The following LGI2 variants were observed in gnomAD, a reference collection of about 807,000 sequenced individuals.
LGI2 encodes the protein leucine rich repeat LGI family member 2.
A neutral mutation model predicts 52.0 loss-of-function variants in LGI2; 30 were observed. The ratio of observed to expected loss-of-function variants is 0.58; its 90% CI spans 0.43 to 0.78. LGI2 has a LOEUF of 0.78. Ranked by LOEUF, LGI2 falls within the 30% of genes least tolerant of loss-of-function variation. The pLI is 0.00. For synonymous variants in LGI2, 270 were observed against 271.8 expected, an observed-to-expected ratio of 0.99 and a Z score of 0.06; for missense variants, 573 against 692.5, an observed-to-expected ratio of 0.83 and a Z score of 1.94.
Position 25,003,952 on chromosome 4 carries a change from A to G in LGI2, c.1137T>C (p.Val379=), listed in dbSNP as rs534480188. 2.8e-4 allele frequency: 456 copies of G among 1,614,186 alleles called. 5 individuals are homozygous for G. The South Asian group carries it at 4.7e-3, about 17-fold the overall frequency. ...TGAGATGCGATTTTCCATCGATATC[A>G]ACAAACTCCGCATCCGTGTCCCTGA... is the stretch of plus-strand genomic sequence containing the variant. The part of the protein sequence containing the change: ...EWFRDTDAEF[V]DIDGKSHLIL... Residue 379 remains valine (V), a synonymous_variant, in exon 8 of 8, where the codon GTT becomes GTC. Transcript: ENST00000382114.
At chr4:24,995,599 C>G (rs1420807436), downstream of LGI2, among the ~76,000 whole-genome samples, 4 of 152,150 alleles carry the variant, frequency 2.6e-5, no homozygotes, top group Non-Finnish European at 5.9e-5. Context: ...GGTGGCTGGC[C>G]TCCCTCCAAG....
chr4:25,014,902 T>C (rs1725713341), intron 6 of LGI2, among the ~76,000 whole-genome samples: 2 of 151,464 alleles, frequency 1.3e-5, no homozygotes, highest in African/African-American at 4.9e-5. Flanking sequence ...TGCATATATA[T>C]TTGTGGGTAT....
downstream of LGI2, among the ~76,000 whole-genome samples, chr4:24,993,907 G>T (rs1450623699): frequency 6.6e-6 from 1 of 152,164 alleles, no homozygotes; most frequent in Non-Finnish European, 1.5e-5. Context: ...GATGGAAATG[G>T]GGGGTTGGAG....
downstream of LGI2, among the ~76,000 whole-genome samples, chr4:24,996,158 A>C (rs1725071553): frequency 6.6e-6 from 1 of 152,238 alleles, no homozygotes. Flanking sequence ...AGGCTGTTTC[A>C]TTAAGTATTA....
rs1725171708 is a variant in LGI2, at chr4:24,999,468, A to G, written c.*3983T>C. 1.3e-5 allele frequency: 2 copies of G among 154,480 alleles called. No homozygotes were observed. The allele number at this position is 154,480 out of a possible 1,614,324, so 9.6% of individuals were successfully genotyped here. A position where few individuals can be genotyped will look rare whatever the true frequency, so the allele number is the denominator to read the frequency against. Reference sequence around the variant, plus strand: ...ATCCGGACCACTTTCTAATTGCATCATTGCATACAACTAGATTATTGTATT... The same window carrying G: ...ATCCGGACCACTTTCTAATTGCATCGTTGCATACAACTAGATTATTGTATT... On this transcript the variant is annotated 3_prime_UTR_variant, in exon 8 of 8. Transcript: ENST00000382114.
rs1357239501 is a variant in LGI2, at chr4:25,024,807, T to C, written c.413+13A>G. ...CATATTAGAGGACTTACAATACTTT[T>C]CATAGGACTTACAGGTGAGTCAGGT... is the stretch of plus-strand genomic sequence containing the variant. On this transcript the variant is annotated intron_variant, in intron 4 of 7. Transcript: ENST00000382114. The C allele has an allele frequency of 1.9e-6, 3 of 1,579,496 alleles. No individual in the cohort carries two copies. Among genetic ancestry groups the C allele is most frequent in the East Asian group, 4.5e-5 (2 of 44,584 alleles).
rs1448005623 is a variant in LGI2 at position 25,028,071 on chromosome 4, T to TTCATC, written c.269+435_269+436insGATGA. 4.6e-5 allele frequency among the ~76,000 whole-genome samples: 7 copies of TTCATC among 152,332 alleles called. No homozygotes were observed. In the East Asian group the frequency reaches 1.3e-3, roughly 29 times the overall value. ...CGATGAAGTGATGATGAAATAAAAT[T>TTCATC]ACGCACGTAAGTTCATAGGATGCTG... On this transcript the variant is annotated intron_variant, in intron 2 of 7. Coordinates refer to ENST00000382114, the MANE Select transcript of LGI2 (RefSeq NM_018176.4).
At chr4:25,024,017 T>C (rs1726062196) in intron 4 of LGI2, among the ~76,000 whole-genome samples, 1 of 152,180 alleles carries the variant, frequency 6.6e-6, no homozygotes, top group African/African-American at 2.4e-5. Context: ...AAAAAGTGAT[T>C]TGCATTCAAA....
In LGI2 at chr4:25,030,611, G is replaced by T. The variant is rs770845084; in HGVS notation, c.83C>A (p.Ala28Glu). 3.2e-6 allele frequency: 5 copies of T among 1,559,832 alleles called. No individual in the cohort carries two copies. Among genetic ancestry groups the T allele is most frequent in the Non-Finnish European group, 2.6e-6 (3 of 1,153,638 alleles). Residue 28 changes from alanine to glutamate, a missense_variant, in exon 1 of 8, where the codon GCG (alanine) becomes GAG (glutamate). Ala to Glu is a moderately radical substitution (Grantham distance 107). Coordinates refer to ENST00000382114, the MANE Select transcript of LGI2 (RefSeq NM_018176.4). ...LGAACLIPRS[A>E]QVRRLARCPA... The stretch of plus-strand genomic sequence containing the variant: ...GCAGCGCGCCAGCCGCCTCACCTGC[G>T]CGCTCCGCGGTATCAGGCACGCGGC...
rs1446084955 is a variant in LGI2, at chr4:25,030,579, T to C, written c.115A>G (p.Thr39Ala). ...ATAGACTCCTTGGTACAGCTGCAAG[T>C]GGCGGGGCAGCGCGCCAGCCGCCTC... ...QVRRLARCPA[T>A]CSCTKESIIC... Residue 39 changes from threonine (T) to alanine (A), a missense_variant, in exon 1 of 8, where the codon ACT (threonine) becomes GCT (alanine). Transcript: ENST00000382114. 2 of 1,576,346 alleles carry C rather than the reference T, an allele frequency of 1.3e-6. No homozygotes were observed. The highest frequency in any genetic ancestry group is 1.7e-6 in the Non-Finnish European group (2 of 1,162,834).
chr4:25,023,926 A>T (rs2109424126), intron 4 of LGI2, among the ~76,000 whole-genome samples: 2 of 152,300 alleles, frequency 1.3e-5, no homozygotes, highest in Admixed American at 1.3e-4. Flanking sequence ...GTTTCAAATC[A>T]ATTTCTTTAA....
rs769858545 is a variant in LGI2, at chr4:25,012,328, A to T, written c.820+7T>A. On this transcript the variant is annotated splice_region_variant and intron_variant, in intron 7 of 7. Coordinates refer to ENST00000382114, the MANE Select transcript of LGI2 (RefSeq NM_018176.4). The stretch of plus-strand genomic sequence containing the variant: ...GTTCAACACATCTGATCAAAGCCAC[A>T]ACACACCTGTAATGTTGTCATAGCT... The T allele has an allele frequency of 8.7e-6, 14 of 1,614,106 alleles. No homozygotes were observed. The highest frequency in any genetic ancestry group is 1.0e-5 in the Non-Finnish European group (12 of 1,179,930).
intron 2 of LGI2, among the ~76,000 whole-genome samples, chr4:25,027,317 C>A (rs776189509): frequency 6.6e-6 from 1 of 151,026 alleles, no homozygotes; most frequent in African/African-American, 2.4e-5. Flanking sequence ...TAATCCAAAT[C>A]TATTTTTACG....
chr4:24,997,711 A>C (rs184693930), downstream of LGI2, among the ~76,000 whole-genome samples: 48 of 152,264 alleles, frequency 3.2e-4, no homozygotes, highest in African/African-American at 1.0e-3. Flanking sequence ...CCTTAAGGTG[A>C]CTTCTTGCAC....
At chr4:25,019,029 C>T in intron 5 of LGI2, 138 bp downstream of exon 5, 4 of 681,424 alleles carry the variant, frequency 5.9e-6, no homozygotes, top group Non-Finnish European at 1.0e-5. Context: ...TATGCTATTT[C>T]CCAGGATGCA....
downstream of LGI2, among the ~76,000 whole-genome samples, chr4:24,995,758 C>T (rs1275527362): frequency 6.6e-6 from 1 of 152,184 alleles, no homozygotes; most frequent in African/African-American, 2.4e-5. Context: ...AAATAATTTG[C>T]AAGTATATTT....
rs776634600 is a variant in LGI2, at chr4:25,028,553, C to T, written c.223G>A (p.Glu75Lys). Residue 75 changes from glutamate to lysine, a missense_variant, in exon 2 of 8, where the codon GAA becomes AAA. Physicochemically the swap from Glu to Lys is moderately conservative, Grantham distance 56. Coordinates refer to ENST00000382114, the MANE Select transcript of LGI2 (RefSeq NM_018176.4). Reference sequence around the variant, plus strand: ...TGGGAAAACATTCGGTCCTTGATTTCTGAAAACGTCCCATTTACCAGGCTC... The same window carrying T: ...TGGGAAAACATTCGGTCCTTGATTTTTGAAAACGTCCCATTTACCAGGCTC... The part of the protein sequence containing the change: ...SLSLVNGTFS[E>K]IKDRMFSHLP... 1 of 1,613,366 alleles carries T rather than the reference C, an allele frequency of 6.2e-7. No individual in the cohort carries two copies. The highest frequency in any genetic ancestry group is 8.5e-7 in the Non-Finnish European group (1 of 1,179,780).
intron 7 of LGI2, among the ~76,000 whole-genome samples, chr4:25,009,851 G>T (rs981870256): frequency 5.9e-5 from 9 of 151,968 alleles, no homozygotes; most frequent in African/African-American, 1.9e-4. Flanking sequence ...GGCCAGGTTG[G>T]TCTCAAACTC....
chr4:25,024,799 A>AAT, intron 4 of LGI2, 21 bp downstream of exon 4: 1 of 1,553,950 alleles, frequency 6.4e-7, no homozygotes, highest in East Asian at 2.2e-5. Flanking sequence ...GAGGACTTAC[A>AAT]ATACTTTTCA....
Sources: allele counts gnomAD v4.1 joint callset (sites outside exome capture counted in the v4.1 genomes callset), GRCh38; gene constraint gnomAD v4.1.1; transcripts MANE v1.5; gene names NCBI Gene and HGNC (gene_info 2026-07-23, HGNC 2026-07-21).